The following DOP1A variants were observed in gnomAD, a reference collection of about 807,000 sequenced individuals.
DOP1A encodes the protein DOP1 leucine zipper like protein A.
Under a neutral mutation model 267.6 loss-of-function variants are expected in DOP1A, and 90 were observed. The ratio of observed to expected loss-of-function variants is 0.34; its 90% CI spans 0.28 to 0.40. The LOEUF (loss-of-function observed/expected upper bound fraction) is 0.40. Among genes scored for constraint, DOP1A ranks in the 10% least tolerant of loss-of-function variants. DOP1A has a pLI of 1.00. For missense variants in DOP1A, 2,437 were observed against 2,900.4 expected (o/e 0.84, Z 3.67); for synonymous variants, 932 against 999.1 (o/e 0.93, Z 1.27).
At chr6:83,120,940 T>G in intron 10 of DOP1A, 149 bp downstream of exon 10, 1 of 511,688 alleles carries the variant, frequency 2.0e-6, no homozygotes, top group Non-Finnish European at 3.3e-6. Context: ...CTCTACAAAG[T>G]TAAGATACAG....
At chr6:83,099,408 A>G (rs941027987) in intron 3 of DOP1A, among the ~76,000 whole-genome samples, 2 of 152,210 alleles carry the variant, frequency 1.3e-5, no homozygotes, top group African/African-American at 4.8e-5. Flanking sequence ...AATTCCATCT[A>G]AAAGTACAAG....
At chr6:83,147,018 T>A (rs926322266) in intron 25 of DOP1A, among the ~76,000 whole-genome samples, 16 of 152,188 alleles carry the variant, frequency 1.1e-4, no homozygotes, top group African/African-American at 3.9e-4. Context: ...GTCTTTCCAT[T>A]CCTTCCATCT....
intron 36 of DOP1A, among the ~76,000 whole-genome samples, chr6:83,159,494 T>C (rs1269028561): frequency 2.6e-5 from 4 of 152,026 alleles, no homozygotes; most frequent in African/African-American, 9.7e-5. Flanking sequence ...TTTCATCATG[T>C]TGCCCAGGCT....
At position 83,125,610 on chromosome 6, in the gene DOP1A, T is replaced by C; in HGVS notation, c.1596T>C (p.Ser532=). ...TGCACTTATCTGAACTCACAGATTCTCTCAGACTCTGCTCAAAGATCCTTA... is the reference window on the plus strand; with the variant it reads ...TGCACTTATCTGAACTCACAGATTCCCTCAGACTCTGCTCAAAGATCCTTA... ...QTLHLSELTD[S]LRLCSKILSK... Residue 532 remains serine (S), a synonymous_variant, in exon 15 of 39, where the codon TCT becomes TCC. Coordinates refer to ENST00000349129, the MANE Select transcript of DOP1A (RefSeq NM_015018.4). The C allele has an allele frequency of 6.2e-7, 1 of 1,613,904 alleles. No homozygotes were observed. The highest frequency in any genetic ancestry group is 8.5e-7 in the Non-Finnish European group (1 of 1,179,818).
In DOP1A at chr6:83,125,656, T is replaced by C. The variant is rs2128227274; in HGVS notation, c.1642T>C (p.Leu548=). ...CCTTAGCAAGGTTCAGCCTCCACTGTTATCTGCTAGCACTGGAGGTGTTTT... is the reference window on the plus strand; with the variant it reads ...CCTTAGCAAGGTTCAGCCTCCACTGCTATCTGCTAGCACTGGAGGTGTTTT... The part of the protein sequence containing the change: ...KILSKVQPPL[L]SASTGGVLQF... Residue 548 remains leucine, a synonymous_variant, in exon 15 of 39, where the codon TTA becomes CTA. Coordinates refer to ENST00000349129, the MANE Select transcript of DOP1A (RefSeq NM_015018.4). The C allele has an allele frequency of 6.2e-7, 1 of 1,613,808 alleles. No individual in the cohort carries two copies. The highest frequency in any genetic ancestry group is 8.5e-7 in the Non-Finnish European group (1 of 1,179,790).
rs545013603 is a variant in DOP1A, at chr6:83,137,164, A to G, written c.3131-9A>G. The G allele has an allele frequency of 5.9e-6, 9 of 1,521,224 alleles. No individual in the cohort carries two copies. In the African/African-American group the frequency reaches 7.0e-5, roughly 12 times the overall value. 94.2% of individuals were successfully genotyped at this position (1,521,224 alleles called of 1,614,324 possible). ...TTTTTCTTCTTTTACTGTTTTTCTC[A>G]TATATCAGTGAGCCAAGTACAACTC... On this transcript the variant is annotated splice_polypyrimidine_tract_variant and intron_variant, in intron 20 of 38. Coordinates refer to ENST00000349129, the MANE Select transcript of DOP1A (RefSeq NM_015018.4).
rs1220526112 is a variant in DOP1A at position 83,139,001 on chromosome 6, A to C, written c.4959A>C (p.Ala1653=). 10 of 1,614,000 alleles carry C rather than the reference A, an allele frequency of 6.2e-6. No homozygotes were observed. In the East Asian group the frequency reaches 1.8e-4, roughly 29 times the overall value. The stretch of plus-strand genomic sequence containing the variant: ...TACGAGCTTTGCATCAGCACTGTGC[A>C]TGTAAGATGCACCCACAATGGATTG... ...AVIRALHQHC[A]CKMHPQWIGL... The change falls in exon 21 of 39, where the codon GCA becomes GCC. Residue 1653 remains alanine, a synonymous_variant. Transcript: ENST00000349129.
At chr6:83,109,995 C>T in intron 5 of DOP1A, 130 bp from the exon 6 acceptor site, 2 of 924,430 alleles carry the variant, frequency 2.2e-6, no homozygotes, top group Non-Finnish European at 3.0e-6. Context: ...CAGTCTATCA[C>T]ACTTGTTTCC....
chr6:83,169,506 G>C, downstream of DOP1A: 1 of 651,158 alleles, frequency 1.5e-6, no homozygotes, highest in Non-Finnish European at 2.6e-6. Context: ...TTAAATAAAC[G>C]GAAAACAGAC....
Position 83,123,098 on chromosome 6 carries a change from CTG to C in DOP1A, c.1340+118_1340+119del, listed in dbSNP as rs1346561956. 1.9e-5 allele frequency: 21 copies of C among 1,104,022 alleles called. No individual in the cohort carries two copies. The East Asian group carries it at 6.3e-4, about 33-fold the overall frequency. 68.4% of individuals were successfully genotyped at this position (1,104,022 alleles called of 1,614,324 possible). On this transcript the variant is annotated intron_variant, in intron 12 of 38. Transcript: ENST00000349129. ...TTATACATTCTATTACTAATAATAACTGTTACTTACTATCCATAATCTGACTC... is the reference window on the plus strand; with the variant it reads ...TTATACATTCTATTACTAATAATAACTTACTTACTATCCATAATCTGACTC...
intron 1 of DOP1A, among the ~76,000 whole-genome samples, chr6:83,073,799 T>G (rs868080057): frequency 6.6e-6 from 1 of 152,148 alleles, no homozygotes; most frequent in Non-Finnish European, 1.5e-5. Context: ...GTTTCTGGCT[T>G]TTAGAGGAAT....
chr6:83,138,998 T>C lies in DOP1A; in HGVS notation c.4956T>C (p.Cys1652=). Reference sequence around the variant, plus strand: ...TGATACGAGCTTTGCATCAGCACTGTGCATGTAAGATGCACCCACAATGGA... The same window carrying C: ...TGATACGAGCTTTGCATCAGCACTGCGCATGTAAGATGCACCCACAATGGA... The part of the protein sequence containing the change: ...CAVIRALHQH[C]ACKMHPQWIG... The change falls in exon 21 of 39, where the codon TGT becomes TGC. Residue 1652 remains cysteine, a synonymous_variant. Transcript: ENST00000349129. 2 of 1,614,116 alleles carry C rather than the reference T, an allele frequency of 1.2e-6. No individual in the cohort carries two copies. The highest frequency in any genetic ancestry group is 1.7e-6 in the Non-Finnish European group (2 of 1,179,968).
chr6:83,095,314 G>GTTCTAACTGTTAC (rs1412918678), intron 1 of DOP1A, among the ~76,000 whole-genome samples: 2 of 152,174 alleles, frequency 1.3e-5, no homozygotes, highest in East Asian at 1.9e-4. Flanking sequence ...GGGTTTTATA[G>GTTCTAACTGTTAC]TTCTAACTGT....
intron 28 of DOP1A, 105 bp downstream of exon 28, chr6:83,151,764 TTC>T (rs1781728729): frequency 6.9e-7 from 1 of 1,444,220 alleles, no homozygotes; most frequent in Non-Finnish European, 9.5e-7. Context: ...ACTCTGAACA[TTC>T]TATGGGAATC....
At chr6:83,113,751 G>A (rs560424641) in intron 7 of DOP1A, among the ~76,000 whole-genome samples, 3 of 152,292 alleles carry the variant, frequency 2.0e-5, no homozygotes, top group Admixed American at 2.0e-4. Flanking sequence ...CTGGTGTTAT[G>A]TTATCTTGTT....
At chr6:83,153,693 C>T in intron 31 of DOP1A, 73 bp downstream of exon 31, 1 of 1,277,528 alleles carries the variant, frequency 7.8e-7, no homozygotes, top group Non-Finnish European at 1.1e-6. Flanking sequence ...TCCCTTATTG[C>T]CATTTCTAGA....
At chr6:83,150,161 GC>G (rs1422968566) in intron 27 of DOP1A, among the ~76,000 whole-genome samples, 1 of 152,148 alleles carries the variant, frequency 6.6e-6, no homozygotes. Context: ...GACTGCTTGA[GC>G]CCAGAGTTTG....
Position 83,118,881 on chromosome 6 carries a change from C to T in DOP1A, c.781-7C>T. The T allele has an allele frequency of 6.2e-7, 1 of 1,612,940 alleles. No individual in the cohort carries two copies. ...GCTAAGTACAACCATATTCCTAACT[C>T]TTTCAGGCCACTCGACCGGATATGA... On this transcript the variant is annotated splice_region_variant and splice_polypyrimidine_tract_variant and intron_variant, in intron 7 of 38. Coordinates refer to ENST00000349129, the MANE Select transcript of DOP1A (RefSeq NM_015018.4).
chr6:83,121,959 G>C lies in DOP1A; in HGVS notation c.1129G>C (p.Glu377Gln), dbSNP rs1236131648. The change falls in exon 11 of 39, where the codon GAA (glutamate) becomes CAA (glutamine). Residue 377 changes from glutamate (E) to glutamine (Q), a missense_variant. By Grantham distance (29) the Glu-to-Gln change is conservative. Around this residue, in one of 9 missense-constraint regions of DOP1A, gnomAD observed 498 missense variants for 513.5 expected, o/e 0.97. Transcript: ENST00000349129. ...TGTAATTCTAGAAGATGTCCTGATT[G>C]AAGTGTTTAGAACATTATATTCTCA... ...GPVILEDVLI[E>Q]VFRTLYSQCK... 2 of 1,608,482 alleles carry C rather than the reference G, an allele frequency of 1.2e-6. No homozygotes were observed. The highest frequency in any genetic ancestry group is 4.5e-5 in the East Asian group (2 of 44,624).
Sources: gnomAD v4.1 joint callset for allele counts (sites outside exome capture counted in the v4.1 genomes callset) on GRCh38, gnomAD v4.1.1 for gene constraint, gnomAD v4.1.1 regional missense constraint, MANE v1.5 for transcripts, NCBI Gene and HGNC (gene_info 2026-07-23, HGNC 2026-07-21) for gene names.